The following OR2C1 variants were observed in gnomAD, a reference collection of about 807,000 sequenced individuals.
OR2C1 encodes olfactory receptor family 2 subfamily C member 1, also known as olfactory receptor 2C1.
For missense variants in OR2C1, 468 were observed against 388.3 expected (o/e 1.21, Z -1.73); for synonymous variants, 209 against 167.3 (o/e 1.25, Z -1.92).
the OR2C1 span, among the ~76,000 whole-genome samples, chr16:3,345,661 C>T: frequency 6.6e-6 from 1 of 151,774 alleles, no homozygotes. Flanking sequence ...AGAGTAGGTG[C>T]CTATGAGGGA....
At chr16:3,344,827 C>T in the OR2C1 span, among the ~76,000 whole-genome samples, 524 of 152,196 alleles carry the variant, frequency 3.4e-3, 6 homozygotes, top group African/African-American at 0.012. Context: ...CTGCTACAAC[C>T]CCTTTGGGAC....
At chr16:3,340,988 A>G in the OR2C1 span, among the ~76,000 whole-genome samples, 1 of 152,024 alleles carries the variant, frequency 6.6e-6, no homozygotes, top group Admixed American at 6.6e-5. Flanking sequence ...CCTGCAAAAA[A>G]AAAAGACCAC....
chr16:3,338,546 T>TTTTTTTTTTTTTC, the OR2C1 span, among the ~76,000 whole-genome samples: 1 of 139,070 alleles, frequency 7.2e-6, no homozygotes, highest in East Asian at 2.2e-4. Context: ...ACCTTTTTTT[T>TTTTTTTTTTTTTC]TTTTTTTTTG....
At chr16:3,338,993 G>T in the OR2C1 span, among the ~76,000 whole-genome samples, 1 of 152,094 alleles carries the variant, frequency 6.6e-6, no homozygotes, top group Non-Finnish European at 1.5e-5. Context: ...TTCCTTATTT[G>T]TTAGGTAATT....
the OR2C1 span, among the ~76,000 whole-genome samples, chr16:3,330,338 G>A: frequency 3.3e-5 from 5 of 149,642 alleles, no homozygotes; most frequent in Admixed American, 6.6e-5. Context: ...GGATGGTCTC[G>A]ATCTCCTGAC....
chr16:3,357,573 T>C (rs1250152241), downstream of OR2C1, among the ~76,000 whole-genome samples: 1 of 152,188 alleles, frequency 6.6e-6, no homozygotes, highest in Non-Finnish European at 1.5e-5. Flanking sequence ...TCTCACTCTG[T>C]TAACAGCCCA....
chr16:3,355,613 C>G (rs959787149), upstream of OR2C1, among the ~76,000 whole-genome samples: 7 of 151,986 alleles, frequency 4.6e-5, no homozygotes, highest in Non-Finnish European at 1.0e-4. Context: ...AAAACCCCAT[C>G]TCTACAAAAA....
At chr16:3,349,276 ACAGACTGAGTCGGTTCTT>A in the OR2C1 span, among the ~76,000 whole-genome samples, 1 of 152,206 alleles carries the variant, frequency 6.6e-6, no homozygotes, top group Non-Finnish European at 1.5e-5. Flanking sequence ...AGTTCAGGTG[ACAGACTGAGTCGGTTCTT>A]CAGGGACAGC....
chr16:3,356,039 C>G lies in OR2C1; in HGVS notation c.99C>G (p.Phe33Leu). The change falls in exon 1 of 1, where the codon TTC becomes TTG. Residue 33 changes from phenylalanine to leucine, a missense_variant. Phe to Leu is a conservative substitution (Grantham distance 22). Transcript: ENST00000304936. ...LEMIFFIAILFSYLLTLLGNS... is the reference protein window; with the variant it reads ...LEMIFFIAILLSYLLTLLGNS... ...TGATCTTTTTTATAGCCATCCTCTTCTCCTATTTGCTGACCCTACTTGGGA... is the reference window on the plus strand; with the variant it reads ...TGATCTTTTTTATAGCCATCCTCTTGTCCTATTTGCTGACCCTACTTGGGA... 6.2e-7 allele frequency: 1 copy of G among 1,614,114 alleles called. No homozygotes were observed. The highest frequency in any genetic ancestry group is 8.5e-7 in the Non-Finnish European group (1 of 1,179,986).
At chr16:3,324,779 G>A in the OR2C1 span, among the ~76,000 whole-genome samples, 3 of 152,022 alleles carry the variant, frequency 2.0e-5, no homozygotes, top group Non-Finnish European at 2.9e-5. Flanking sequence ...GTATATATAT[G>A]TACATACATA....
chr16:3,351,949 C>A (rs1379851503), upstream of OR2C1, among the ~76,000 whole-genome samples: 3 of 147,604 alleles, frequency 2.0e-5, no homozygotes, highest in South Asian at 4.3e-4. Context: ...GCCACCTTGG[C>A]TCAGCCCATG....
chr16:3,350,914 G>A (rs1316611773), upstream of OR2C1, among the ~76,000 whole-genome samples: 1 of 150,560 alleles, frequency 6.6e-6, no homozygotes, highest in Non-Finnish European at 1.5e-5. Flanking sequence ...AGTGGCTCAT[G>A]CCTGTGAACC....
At chr16:3,342,353 C>G in the OR2C1 span, among the ~76,000 whole-genome samples, 1 of 152,196 alleles carries the variant, frequency 6.6e-6, no homozygotes, top group African/African-American at 2.4e-5. Context: ...AAAAGGTCAA[C>G]ATAGACCAAA....
upstream of OR2C1, among the ~76,000 whole-genome samples, chr16:3,352,707 G>A (rs1013296786): frequency 9.3e-5 from 14 of 150,030 alleles, no homozygotes; most frequent in East Asian, 2.8e-3. Context: ...GGAAGAAGAT[G>A]AGCAGTGTCT....
At position 3,355,910 on chromosome 16, in the gene OR2C1, G is replaced by T; in HGVS notation, c.-31G>T. 1 of 1,508,852 alleles carries T rather than the reference G, an allele frequency of 6.6e-7. No individual in the cohort carries two copies. Among genetic ancestry groups the T allele is most frequent in the East Asian group, 2.3e-5 (1 of 44,304 alleles). The allele number at this position is 1,508,852 out of a possible 1,614,324, so 93.5% of individuals were successfully genotyped here. The stretch of plus-strand genomic sequence containing the variant: ...TTTCTTCCAGCAGCTTGCGCTAAAT[G>T]AATTCATCAAGTGACTGAAGACAAC... On this transcript the variant is annotated 5_prime_UTR_variant, in exon 1 of 1. It removes an upstream start codon present in the reference 5' UTR. Transcript: ENST00000304936.
the OR2C1 span, among the ~76,000 whole-genome samples, chr16:3,325,551 T>C: frequency 6.7e-6 from 1 of 148,302 alleles, no homozygotes; most frequent in East Asian, 2.0e-4. Flanking sequence ...GTGTGTGCTG[T>C]TGGAAAAATG....
chr16:3,335,876 G>C, the OR2C1 span, among the ~76,000 whole-genome samples: 1 of 152,016 alleles, frequency 6.6e-6, no homozygotes, highest in Admixed American at 6.6e-5. Context: ...GACTAACTTC[G>C]CTTCTTCCTT....
At chr16:3,354,591 T>C (rs1268986436), upstream of OR2C1, among the ~76,000 whole-genome samples, 1 of 152,198 alleles carries the variant, frequency 6.6e-6, no homozygotes, top group Non-Finnish European at 1.5e-5. Flanking sequence ...ACTTTATAGA[T>C]TCATCATGTT....
chr16:3,357,697 T>C (rs2030705474), downstream of OR2C1, among the ~76,000 whole-genome samples: 1 of 152,132 alleles, frequency 6.6e-6, no homozygotes. Context: ...TAATGCAGTA[T>C]ACCACTGGGT....
Sources: gnomAD v4.1 joint callset for allele counts (sites outside exome capture counted in the v4.1 genomes callset) on GRCh38, gnomAD v4.1.1 for gene constraint, MANE v1.5 for transcripts, NCBI Gene and HGNC (gene_info 2026-07-23, HGNC 2026-07-21) for gene names.